Variants in GMEB1 observed in about 807,000 individuals in gnomAD.
GMEB1 encodes the protein glucocorticoid modulatory element binding protein 1.
GMEB1 carries 6 observed loss-of-function variants against 52.4 expected under a neutral mutation model. The observed-to-expected ratio is 0.11, with a 90% CI of 0.06 to 0.23. The LOEUF (loss-of-function observed/expected upper bound fraction) is 0.23, where lower values mean the gene tolerates loss of function less well. Ranked by LOEUF, GMEB1 falls within the 10% of genes least tolerant of loss-of-function variation. GMEB1 has a pLI of 1.00. For missense variants in GMEB1, 486 were observed against 685.6 expected (o/e 0.71, Z 3.25); for synonymous variants, 255 against 244.9 (o/e 1.04, Z -0.38).
chr1:28,705,892 C>T (rs1424019299), intron 8 of GMEB1, among the ~76,000 whole-genome samples: 3 of 151,718 alleles, frequency 2.0e-5, no homozygotes, highest in Non-Finnish European at 2.9e-5. Flanking sequence ...CGGTGGCTCA[C>T]GCCTGTAATC....
At chr1:28,709,868 G>A (rs564130784) in intron 8 of GMEB1, among the ~76,000 whole-genome samples, 201 of 152,034 alleles carry the variant, frequency 1.3e-3, no homozygotes, top group Non-Finnish European at 1.3e-3. Context: ...TTTCAAATTG[G>A]CCGGGCGCGG....
At chr1:28,685,558 C>T (rs575561891) in intron 2 of GMEB1, among the ~76,000 whole-genome samples, 2 of 152,112 alleles carry the variant, frequency 1.3e-5, no homozygotes. Context: ...GATGCCTTAA[C>T]GTTTTGAACA....
At chr1:28,678,943 G>C (rs1312358827) in intron 1 of GMEB1, among the ~76,000 whole-genome samples, 1 of 151,838 alleles carries the variant, frequency 6.6e-6, no homozygotes, top group Non-Finnish European at 1.5e-5. Flanking sequence ...ACGGAGTCTC[G>C]CTCTGTCGCC....
chr1:28,679,821 G>A (rs1004851290), intron 1 of GMEB1, among the ~76,000 whole-genome samples: 11 of 147,490 alleles, frequency 7.5e-5, no homozygotes, highest in African/African-American at 2.8e-4. Context: ...TTTTTTTTGA[G>A]TGGCAGTTTC....
chr1:28,672,751 T>G (rs868762970), intron 1 of GMEB1, among the ~76,000 whole-genome samples: 14 of 149,252 alleles, frequency 9.4e-5, no homozygotes, highest in Non-Finnish European at 1.5e-4. Context: ...TTTTTTTTTT[T>G]TTTTGTTTTG....
At chr1:28,691,053 G>A (rs1385941036) in intron 3 of GMEB1, among the ~76,000 whole-genome samples, 1 of 152,080 alleles carries the variant, frequency 6.6e-6, no homozygotes, top group Non-Finnish European at 1.5e-5. Context: ...CACTTTGGGA[G>A]GCCAAGACAG....
chr1:28,694,952 G>A (rs1007391579), intron 5 of GMEB1, among the ~76,000 whole-genome samples: 9 of 136,552 alleles, frequency 6.6e-5, no homozygotes, highest in Non-Finnish European at 9.4e-5. Flanking sequence ...GTGAGCCACC[G>A]TGGCCAGCCT....
At chr1:28,705,662 G>C (rs1670720398) in intron 8 of GMEB1, among the ~76,000 whole-genome samples, 1 of 150,146 alleles carries the variant, frequency 6.7e-6, no homozygotes, top group African/African-American at 2.4e-5. Context: ...TGTTGGCCAG[G>C]CTGGTCTCAA....
intron 1 of GMEB1, among the ~76,000 whole-genome samples, chr1:28,678,601 G>A (rs577180183): frequency 3.3e-5 from 5 of 151,544 alleles, no homozygotes; most frequent in Non-Finnish European, 7.4e-5. Context: ...GAGCCACCGC[G>A]TCCGTCTCTT....
chr1:28,670,467 A>G (rs888669766), intron 1 of GMEB1, among the ~76,000 whole-genome samples: 1 of 152,150 alleles, frequency 6.6e-6, no homozygotes. Flanking sequence ...AGCTGGGGCT[A>G]CAGGCGCCCG....
Position 28,684,479 on chromosome 1 carries a change from C to T in GMEB1, c.128+739C>T, listed in dbSNP as rs778013392. Among the ~76,000 whole-genome samples, 83 of 149,334 alleles carry T rather than the reference C, an allele frequency of 5.6e-4. 1 individual carries two copies. The highest frequency in any genetic ancestry group is 3.5e-3 in the Middle Eastern group (1 of 288). ...TTGGGAGGGTGAGGCAGGAGAACGG[C>T]GTGAACCCGGGAGGCGGAGCTTGTA... On this transcript the variant is annotated intron_variant, in intron 2 of 9. Coordinates refer to ENST00000373816, the MANE Select transcript of GMEB1 (RefSeq NM_001319674.2).
In GMEB1 at chr1:28,716,443, C is replaced by T. The variant is rs1373381784; in HGVS notation, c.*1670C>T. 1 of 152,162 alleles carries T rather than the reference C, an allele frequency of 6.6e-6. No individual in the cohort carries two copies. The highest frequency in any genetic ancestry group is 2.4e-5 in the African/African-American group (1 of 41,430). 9.4% of individuals were successfully genotyped at this position (152,162 alleles called of 1,614,324 possible). ...TCTTGTTCTGCCCTCCATCCCTCAA[C>T]TCTTAATGGCATCTGTCTCCTAGAA... is the stretch of plus-strand genomic sequence containing the variant. On this transcript the variant is annotated 3_prime_UTR_variant, in exon 10 of 10. Coordinates refer to ENST00000373816, the MANE Select transcript of GMEB1 (RefSeq NM_001319674.2).
intron 1 of GMEB1, among the ~76,000 whole-genome samples, chr1:28,679,136 G>A (rs907963777): frequency 2.0e-5 from 3 of 150,500 alleles, no homozygotes; most frequent in East Asian, 1.9e-4. Flanking sequence ...CGCCCGTCTC[G>A]ACCTCCCAAA....
intron 5 of GMEB1, among the ~76,000 whole-genome samples, 155 bp from the exon 6 acceptor site, chr1:28,696,772 A>G (rs1201948908): frequency 2.0e-5 from 3 of 152,084 alleles, no homozygotes; most frequent in Non-Finnish European, 2.9e-5. Flanking sequence ...TAAAGCCCCA[A>G]TTAGAATTTT....
At chr1:28,679,870 C>T (rs958910897) in intron 1 of GMEB1, among the ~76,000 whole-genome samples, 4 of 151,084 alleles carry the variant, frequency 2.6e-5, no homozygotes, top group South Asian at 2.1e-4. Flanking sequence ...GGCACGATCT[C>T]GGTTCACCCA....
At chr1:28,703,015 T>TCAAAAAA (rs527946084) in intron 7 of GMEB1, among the ~76,000 whole-genome samples, 3 of 152,038 alleles carry the variant, frequency 2.0e-5, no homozygotes, top group Non-Finnish European at 2.9e-5. Flanking sequence ...AGACTCCATC[T>TCAAAAAA]CAAAAAACAA....
chr1:28,687,334 T>A lies in GMEB1; in HGVS notation c.129-2770T>A, dbSNP rs191191773. ...CTGGGCAACAGAATGAGACCCTATC[T>A]CACACACACACACACACACACACAC... On this transcript the variant is annotated intron_variant, in intron 2 of 9. Coordinates refer to ENST00000373816, the MANE Select transcript of GMEB1 (RefSeq NM_001319674.2). Among the ~76,000 whole-genome samples the A allele has an allele frequency of 7.9e-3, 428 of 54,068 alleles. 12 individuals carry two copies. Among genetic ancestry groups the A allele is most frequent in the East Asian group, 0.031 (45 of 1,472 alleles). 35.5% of individuals were successfully genotyped at this position (54,068 alleles called of 152,430 possible). A position where few individuals can be genotyped will look rare whatever the true frequency, so the allele number is the denominator to read the frequency against.
At chr1:28,674,552 G>A (rs1207093586) in intron 1 of GMEB1, among the ~76,000 whole-genome samples, 1 of 151,512 alleles carries the variant, frequency 6.6e-6, no homozygotes, top group Non-Finnish European at 1.5e-5. Context: ...GGGCCACCAC[G>A]CTTGGCTAAT....
intron 1 of GMEB1, among the ~76,000 whole-genome samples, chr1:28,675,925 T>C (rs1010595892): frequency 3.3e-5 from 5 of 152,124 alleles, no homozygotes; most frequent in African/African-American, 1.2e-4. Context: ...TTTAGGGTAA[T>C]GAGTGATACT....
Sources: gnomAD v4.1 joint callset for allele counts (sites outside exome capture counted in the v4.1 genomes callset) on GRCh38, gnomAD v4.1.1 for gene constraint, MANE v1.5 for transcripts, NCBI Gene and HGNC (gene_info 2026-07-23, HGNC 2026-07-21) for gene names.